The following CATSPERT variants were observed in gnomAD, a reference collection of about 807,000 sequenced individuals.
The protein encoded by CATSPERT is catsper channel auxiliary subunit tau, also known as cation channel sperm-associated targeting subunit tau.
At chr2:201,497,322 C>A in the CATSPERT span, among the ~76,000 whole-genome samples, 9 of 152,186 alleles carry the variant, frequency 5.9e-5, no homozygotes. Flanking sequence ...GAATTCTTGA[C>A]ATACATCTTG....
the CATSPERT span, among the ~76,000 whole-genome samples, chr2:201,576,157 C>A: frequency 6.6e-6 from 1 of 152,158 alleles, no homozygotes; most frequent in South Asian, 2.1e-4. Context: ...TATCGAGCAT[C>A]CTTGCCATAA....
At chr2:201,604,145 A>ATG in the CATSPERT span, among the ~76,000 whole-genome samples, 60,047 of 148,130 alleles carry the variant, frequency 0.41, 12,200 homozygotes, top group Non-Finnish European at 0.45. Flanking sequence ...GTGTGTGTGT[A>ATG]TGTGTGTGTG....
At chr2:201,617,133 C>T in the CATSPERT span, among the ~76,000 whole-genome samples, 1 of 152,144 alleles carries the variant, frequency 6.6e-6, no homozygotes, top group Non-Finnish European at 1.5e-5. Context: ...ACCATACTGC[C>T]CAAGGTAATT....
chr2:201,513,521 G>A, the CATSPERT span, among the ~76,000 whole-genome samples: 2 of 152,098 alleles, frequency 1.3e-5, no homozygotes, highest in Non-Finnish European at 2.9e-5. Context: ...AGCACTTTAG[G>A]AATTTCTCAA....
the CATSPERT span, among the ~76,000 whole-genome samples, chr2:201,504,343 C>T: frequency 7.9e-5 from 12 of 152,214 alleles, no homozygotes; most frequent in Non-Finnish European, 4.4e-5. Flanking sequence ...GTTGCCTTGA[C>T]ATCCATTTTG....
At chr2:201,570,930 C>T in the CATSPERT span, among the ~76,000 whole-genome samples, 1 of 152,320 alleles carries the variant, frequency 6.6e-6, no homozygotes, top group Admixed American at 6.5e-5. Context: ...CTTTCCTCCC[C>T]AACTTCCCTG....
the CATSPERT span, chr2:201,553,558 T>C: frequency 6.6e-6 from 1 of 152,204 alleles, no homozygotes; most frequent in African/African-American, 2.4e-5. Flanking sequence ...CCAAGTTACC[T>C]AATAATGATA....
At chr2:201,574,784 CCT>C in the CATSPERT span, among the ~76,000 whole-genome samples, 2 of 151,812 alleles carry the variant, frequency 1.3e-5, no homozygotes, top group South Asian at 4.2e-4. Context: ...GTTCCTAGCC[CCT>C]GTTTTGGCCA....
the CATSPERT span, among the ~76,000 whole-genome samples, chr2:201,616,622 G>GA: frequency 7.2e-5 from 11 of 152,248 alleles, no homozygotes; most frequent in South Asian, 2.3e-3. Context: ...GCAAAAACTG[G>GA]AAGCATTCCC....
At chr2:201,534,523 C>T in the CATSPERT span, 2 of 982,392 alleles carry the variant, frequency 2.0e-6, no homozygotes, top group Non-Finnish European at 2.4e-6. Flanking sequence ...CATTATAAAA[C>T]CTAAACAAAA....
the CATSPERT span, chr2:201,555,158 T>G: frequency 5.3e-5 from 8 of 152,350 alleles, no homozygotes; most frequent in Middle Eastern, 0.02. Flanking sequence ...ATCCATTTCA[T>G]ATAGTATCCC....
the CATSPERT span, among the ~76,000 whole-genome samples, chr2:201,527,055 G>A: frequency 1.4e-4 from 22 of 151,976 alleles, 1 homozygote; most frequent in Non-Finnish European, 3.1e-4. Context: ...AAACAACGTC[G>A]GCAGTTTCAG....
chr2:201,532,333 A>C, the CATSPERT span, among the ~76,000 whole-genome samples: 1 of 152,238 alleles, frequency 6.6e-6, no homozygotes, highest in African/African-American at 2.4e-5. Flanking sequence ...TGGAATGTTT[A>C]TATGCTGAAA....
At chr2:201,618,862 C>T in the CATSPERT span, 1 of 1,600,330 alleles carries the variant, frequency 6.2e-7, no homozygotes, top group Non-Finnish European at 8.5e-7. Context: ...CTGCTGGCCC[C>T]GGTCCTCCAG....
chr2:201,597,109 G>A, the CATSPERT span, among the ~76,000 whole-genome samples: 2 of 152,156 alleles, frequency 1.3e-5, no homozygotes, highest in Non-Finnish European at 2.9e-5. Context: ...GGCAGATTAT[G>A]TTCGTCCTAT....
chr2:201,524,050 G>A, the CATSPERT span, among the ~76,000 whole-genome samples: 2 of 152,092 alleles, frequency 1.3e-5, no homozygotes, highest in East Asian at 3.9e-4. Context: ...GAGAGAGCAA[G>A]CAACTTGGAA....
chr2:201,522,323 T>C, the CATSPERT span, among the ~76,000 whole-genome samples: 1 of 151,928 alleles, frequency 6.6e-6, no homozygotes, highest in Non-Finnish European at 1.5e-5. Context: ...AAGGATACAA[T>C]CAACATACAA....
At chr2:201,584,380 A>G in the CATSPERT span, among the ~76,000 whole-genome samples, 19 of 152,176 alleles carry the variant, frequency 1.2e-4, no homozygotes, top group Admixed American at 1.2e-3. Flanking sequence ...AATATTTTTT[A>G]TAGGTTAAAA....
the CATSPERT span, among the ~76,000 whole-genome samples, chr2:201,585,589 A>AAAT: frequency 3.9e-5 from 6 of 152,168 alleles, no homozygotes; most frequent in Non-Finnish European, 2.9e-5. Context: ...AGACTATATT[A>AAAT]AATAAATACA....
Sources: allele counts gnomAD v4.1 joint callset (sites outside exome capture counted in the v4.1 genomes callset), GRCh38; gene constraint gnomAD v4.1.1; transcripts MANE v1.5; gene names NCBI Gene and HGNC (gene_info 2026-07-23, HGNC 2026-07-21).